The following TTC21B variants were observed in gnomAD, a reference collection of about 807,000 sequenced individuals.
TTC21B encodes the protein tetratricopeptide repeat protein 21B.
TTC21B carries 127 observed loss-of-function variants against 175.1 expected under a neutral mutation model. The observed-to-expected ratio is 0.73, with a 90% CI of 0.63 to 0.84. TTC21B has a LOEUF of 0.84. Among genes scored for constraint, TTC21B ranks in the 40% least tolerant of loss-of-function variants. The pLI, the probability that TTC21B is intolerant of heterozygous loss-of-function variation, is 0.00. For synonymous variants in TTC21B, 524 were observed against 524.5 expected (o/e 1.00, Z 0.01); for missense variants, 1,561 against 1,558.3 (o/e 1.00, Z -0.03).
intron 19 of TTC21B, among the ~76,000 whole-genome samples, chr2:165,906,950 C>A (rs559600226): frequency 2.4e-5 from 3 of 122,698 alleles, no homozygotes; most frequent in African/African-American, 3.3e-5. Context: ...AGCAAAACTC[C>A]GTCTCAAAAA....
Position 165,899,763 on chromosome 2 carries a change from G to T in TTC21B, c.2868+7C>A. On this transcript the variant is annotated splice_region_variant and intron_variant, in intron 21 of 28. Coordinates refer to ENST00000243344, the MANE Select transcript of TTC21B (RefSeq NM_024753.5). ...GCTTTTATTGTACTGAAGTTCCTTG[G>T]ACTGACCATGGTAGCAGCTTCGTTA... 6.3e-7 allele frequency: 1 copy of T among 1,592,656 alleles called. No individual in the cohort carries two copies. Among genetic ancestry groups the T allele is most frequent in the Non-Finnish European group, 8.6e-7 (1 of 1,160,528 alleles).
chr2:165,921,418 C>G (rs1440757925), intron 12 of TTC21B, among the ~76,000 whole-genome samples: 1 of 152,104 alleles, frequency 6.6e-6, no homozygotes, highest in African/African-American at 2.4e-5. Context: ...ACATCTGGGA[C>G]CCTATCAGAC....
intron 20 of TTC21B, 76 bp downstream of exon 20, chr2:165,901,646 G>C: frequency 7.1e-7 from 1 of 1,412,732 alleles, no homozygotes; most frequent in Non-Finnish European, 1.0e-6. Flanking sequence ...AAAATAAGCT[G>C]GTAAAAATTT....
intron 25 of TTC21B, among the ~76,000 whole-genome samples, chr2:165,885,680 C>T (rs1684978495): frequency 6.6e-6 from 1 of 152,198 alleles, no homozygotes; most frequent in South Asian, 2.1e-4. Flanking sequence ...CTACACTACA[C>T]AATTAAAAAT....
intron 3 of TTC21B, chr2:165,947,748 C>G (rs1687634944): frequency 2.0e-5 from 3 of 152,114 alleles, no homozygotes; most frequent in Non-Finnish European, 4.4e-5. Context: ...TGTATACTAA[C>G]AATCTAGGAC....
intron 25 of TTC21B, among the ~76,000 whole-genome samples, chr2:165,885,190 G>A (rs1329312723): frequency 6.6e-6 from 1 of 152,036 alleles, no homozygotes; most frequent in Non-Finnish European, 1.5e-5. Context: ...TTGTGACTGA[G>A]GAACGGTGAT....
Position 165,883,914 on chromosome 2 carries a change from C to G in TTC21B, c.3564G>C (p.Trp1188Cys). 2.5e-6 allele frequency: 4 copies of G among 1,614,130 alleles called. No individual in the cohort carries two copies. The highest frequency in any genetic ancestry group is 3.4e-6 in the Non-Finnish European group (4 of 1,180,004). The part of the protein sequence containing the change: ...NQLKRIAKMN[W>C]NAIDAEEFEK... ...CAAACTCTTCAGCATCAATAGCATTCCAATTCATTTTCGCAATACGCTTCA... is the reference window on the plus strand; with the variant it reads ...CAAACTCTTCAGCATCAATAGCATTGCAATTCATTTTCGCAATACGCTTCA... The change falls in exon 26 of 29, where the codon TGG (tryptophan) becomes TGC (cysteine). Residue 1188 changes from tryptophan (W) to cysteine (C), a missense_variant. Trp to Cys is a radical substitution (Grantham distance 215, BLOSUM62 -2). Coordinates refer to ENST00000243344, the MANE Select transcript of TTC21B (RefSeq NM_024753.5).
intron 9 of TTC21B, 89 bp from the exon 10 acceptor site, chr2:165,929,836 C>A: frequency 1.1e-6 from 1 of 872,520 alleles, no homozygotes. Flanking sequence ...AATAAAACAC[C>A]CTTTCCCCCA....
At position 165,943,304 on chromosome 2, in the gene TTC21B, C is replaced by A; in HGVS notation, c.467G>T (p.Gly156Val). The A allele has an allele frequency of 1.2e-6, 2 of 1,610,996 alleles. No homozygotes were observed. The highest frequency in any genetic ancestry group is 1.7e-6 in the Non-Finnish European group (2 of 1,177,354). ...VLKAWLDITRGKEPYTKKALK... is the reference protein window; with the variant it reads ...VLKAWLDITRVKEPYTKKALK... ...TGCTTTTTTAGTGTAAGGCTCTTTT[C>A]CTCTTGTAATATCAAGCCATGCTTT... Residue 156 changes from glycine (G) to valine (V), a missense_variant, in exon 5 of 29, where the codon GGA (glycine) becomes GTA (valine). Gly to Val is a moderately radical substitution (Grantham distance 109, BLOSUM62 -3). Coordinates refer to ENST00000243344, the MANE Select transcript of TTC21B (RefSeq NM_024753.5).
intron 3 of TTC21B, among the ~76,000 whole-genome samples, chr2:165,946,293 C>T (rs552175632): frequency 4.6e-5 from 7 of 151,542 alleles, no homozygotes; most frequent in Admixed American, 1.3e-4. Context: ...GAGCAGAGAT[C>T]GCGCCACTGC....
intron 22 of TTC21B, among the ~76,000 whole-genome samples, chr2:165,895,719 G>A (rs928062487): frequency 6.6e-6 from 1 of 152,094 alleles, no homozygotes; most frequent in African/African-American, 2.4e-5. Flanking sequence ...GGCAAGATGA[G>A]CCCATATTTT....
In TTC21B at chr2:165,953,767, C is replaced by A; in HGVS notation, c.-62G>T. 6.5e-7 allele frequency: 1 copy of A among 1,546,204 alleles called. No individual in the cohort carries two copies. Among genetic ancestry groups the A allele is most frequent in the Non-Finnish European group, 8.7e-7 (1 of 1,145,054 alleles). On this transcript the variant is annotated 5_prime_UTR_variant, in exon 1 of 29. Coordinates refer to ENST00000243344, the MANE Select transcript of TTC21B (RefSeq NM_024753.5). ...TGTCTCGCCGCAGCCTAAAGGAAGACGCAGAATTCAGCTCCCCTAGCCTCC... is the reference window on the plus strand; with the variant it reads ...TGTCTCGCCGCAGCCTAAAGGAAGAAGCAGAATTCAGCTCCCCTAGCCTCC...
Position 165,874,604 on chromosome 2 carries a change from T to A in TTC21B, c.*151A>T. Reference sequence around the variant, plus strand: ...GGAAACACCAATTTCACATAGTACTTCTCTTGATGTACAGCAGCAACCTCT... The same window carrying A: ...GGAAACACCAATTTCACATAGTACTACTCTTGATGTACAGCAGCAACCTCT... On this transcript the variant is annotated 3_prime_UTR_variant, in exon 29 of 29. Coordinates refer to ENST00000243344, the MANE Select transcript of TTC21B (RefSeq NM_024753.5). The A allele has an allele frequency of 1.5e-6, 1 of 679,114 alleles. No homozygotes were observed. The highest frequency in any genetic ancestry group is 1.7e-5 in the South Asian group (1 of 59,216). The allele number at this position is 679,114 out of a possible 1,614,324, so 42.1% of individuals were successfully genotyped here.
chr2:165,901,193 C>T (rs114920554), intron 20 of TTC21B, among the ~76,000 whole-genome samples: 2,257 of 152,230 alleles, frequency 0.015, 70 homozygotes, highest in African/African-American at 0.052. Flanking sequence ...TGAGCCATTG[C>T]ATCCAGCCTT....
intron 11 of TTC21B, among the ~76,000 whole-genome samples, chr2:165,925,621 A>G (rs1686598759): frequency 6.6e-6 from 1 of 152,228 alleles, no homozygotes; most frequent in African/African-American, 2.4e-5. Context: ...ATATACGCTC[A>G]AAAAGATAAT....
Position 165,929,320 on chromosome 2 carries a change from G to A in TTC21B, c.1201C>T (p.His401Tyr), listed in dbSNP as rs768881808. 2 of 1,606,050 alleles carry A rather than the reference G, an allele frequency of 1.2e-6. No homozygotes were observed. The highest frequency in any genetic ancestry group is 1.7e-6 in the Non-Finnish European group (2 of 1,173,908). ...TTTTTCTTCATGGCAAGAACTGCAT[G>A]TAAATAGATTAATTCCTAGAAAATA... ...IGKSAELIYL[H>Y]AVLAMKKNKR... is the part of the protein sequence containing the mutation. Residue 401 changes from histidine (H) to tyrosine (Y), a missense_variant, in exon 11 of 29, where the codon CAT becomes TAT. By Grantham distance (83) the His-to-Tyr change is moderately conservative. Coordinates refer to ENST00000243344, the MANE Select transcript of TTC21B (RefSeq NM_024753.5).
Position 165,917,474 on chromosome 2 carries a change from T to C in TTC21B, c.1682A>G (p.Asp561Gly), listed in dbSNP as rs1354455514. Residue 561 changes from aspartate to glycine, a missense_variant, in exon 14 of 29, where the codon GAC becomes GGC. By Grantham distance (94) the Asp-to-Gly change is moderately conservative. Coordinates refer to ENST00000243344, the MANE Select transcript of TTC21B (RefSeq NM_024753.5). ...LCLSYDFKVRDYPLYHLIKAQ... is the reference protein window; with the variant it reads ...LCLSYDFKVRGYPLYHLIKAQ... ...TTTTATCAAATGGTATAAAGGATAGTCTCTCACCTGAAGAATAATATTTAA... is the reference window on the plus strand; with the variant it reads ...TTTTATCAAATGGTATAAAGGATAGCCTCTCACCTGAAGAATAATATTTAA... 2.5e-6 allele frequency: 4 copies of C among 1,608,074 alleles called. No homozygotes were observed. Among genetic ancestry groups the C allele is most frequent in the Admixed American group, 1.7e-5 (1 of 60,016 alleles).
chr2:165,876,415 G>GT (rs1684666329), intron 27 of TTC21B, among the ~76,000 whole-genome samples, 183 bp from the exon 28 acceptor site: 1 of 152,198 alleles, frequency 6.6e-6, no homozygotes, highest in African/African-American at 2.4e-5. Flanking sequence ...CAAAAGAAGT[G>GT]TAAGAAGAAA....
chr2:165,896,059 A>G (rs1355500118), intron 22 of TTC21B, among the ~76,000 whole-genome samples: 1 of 152,156 alleles, frequency 6.6e-6, no homozygotes, highest in Admixed American at 6.6e-5. Context: ...GGTAGCCTGC[A>G]GAGCATATCT....
Sources: allele counts gnomAD v4.1 joint callset (sites outside exome capture counted in the v4.1 genomes callset), GRCh38; gene constraint gnomAD v4.1.1; transcripts MANE v1.5; gene names NCBI Gene and HGNC (gene_info 2026-07-23, HGNC 2026-07-21).